Variants in SCHIP1 observed in about 807,000 individuals in gnomAD.
SCHIP1 encodes the protein schwannomin-interacting protein 1.
SCHIP1 carries 8 observed loss-of-function variants against 29.7 expected under a neutral mutation model. That is an observed-to-expected ratio of 0.27 (90% CI 0.16 to 0.49). The LOEUF (loss-of-function observed/expected upper bound fraction) is 0.49, where lower values mean the gene tolerates loss of function less well. Ranked by LOEUF, SCHIP1 falls within the 20% of genes least tolerant of loss-of-function variation. SCHIP1 has a pLI of 0.99. For synonymous variants in SCHIP1, 76 were observed against 94.9 expected (o/e 0.80, Z 1.16); for missense variants, 193 against 294.6 (o/e 0.66, Z 2.52).
At chr3:159,886,601 A>G (rs1285652646) in intron 3 of SCHIP1, 2 of 301,352 alleles carry the variant, frequency 6.6e-6, no homozygotes, top group Non-Finnish European at 1.3e-5. Flanking sequence ...GTCTCTATAA[A>G]AAAATACAAA....
chr3:159,617,300 CTCTTTCTGA>C, the SCHIP1 span, among the ~76,000 whole-genome samples: 5 of 152,160 alleles, frequency 3.3e-5, no homozygotes, highest in East Asian at 9.6e-4. Context: ...GAACCAAGGT[CTCTTTCTGA>C]TCTTTCCCTG....
At chr3:159,489,338 T>G in the SCHIP1 span, among the ~76,000 whole-genome samples, 1 of 152,232 alleles carries the variant, frequency 6.6e-6, no homozygotes, top group Non-Finnish European at 1.5e-5. Flanking sequence ...ACTTTTACTA[T>G]TAGCCTGATA....
At chr3:159,826,503 A>G in the SCHIP1 span, among the ~76,000 whole-genome samples, 1 of 152,238 alleles carries the variant, frequency 6.6e-6, no homozygotes, top group African/African-American at 2.4e-5. Flanking sequence ...CCTCACAGTT[A>G]ACGCTGGAAA....
chr3:159,862,921 G>A (rs1049471897), intron 1 of SCHIP1, among the ~76,000 whole-genome samples: 1 of 152,004 alleles, frequency 6.6e-6, no homozygotes, highest in Admixed American at 6.5e-5. Context: ...AGCTTTTTTC[G>A]AGAGCAATGT....
At chr3:159,311,371 G>C in the SCHIP1 span, among the ~76,000 whole-genome samples, 128 of 152,088 alleles carry the variant, frequency 8.4e-4, no homozygotes, top group South Asian at 3.7e-3. Context: ...AAATCAAAGG[G>C]AGTTAATTTT....
chr3:159,713,225 A>AAAGAAAGG, the SCHIP1 span, among the ~76,000 whole-genome samples: 3 of 117,354 alleles, frequency 2.6e-5, no homozygotes, highest in East Asian at 7.3e-4. Flanking sequence ...AGAGAGAGAG[A>AAAGAAAGG]AAGAAAGGAA....
At chr3:159,801,267 T>C in the SCHIP1 span, among the ~76,000 whole-genome samples, 11 of 152,210 alleles carry the variant, frequency 7.2e-5, 1 homozygote, top group Admixed American at 6.5e-4. Context: ...TAAGATATGG[T>C]TATAAATGTT....
In SCHIP1 at chr3:159,853,529, G is replaced by A. The variant is rs1712932409; in HGVS notation, c.31-12634G>A. 14 of 609,348 alleles carry A rather than the reference G, an allele frequency of 2.3e-5. No homozygotes were observed. In the East Asian group the frequency reaches 4.1e-4, roughly 18 times the overall value. 37.7% of individuals were successfully genotyped at this position (609,348 alleles called of 1,614,324 possible). ...CTAACTGGAGAAAGATCACCCTTGAGGAGTGGCCAAATTCCACACTCAGTG... is the reference window on the plus strand; with the variant it reads ...CTAACTGGAGAAAGATCACCCTTGAAGAGTGGCCAAATTCCACACTCAGTG... On this transcript the variant is annotated intron_variant, in intron 1 of 6. Coordinates refer to ENST00000445224, the Ensembl canonical transcript of SCHIP1.
the SCHIP1 span, chr3:159,275,087 G>T: frequency 3.5e-4 from 343 of 971,690 alleles, 1 homozygote; most frequent in Admixed American, 3.7e-4. Context: ...AATTTTAGAG[G>T]ATGTAACAAT....
the SCHIP1 span, among the ~76,000 whole-genome samples, chr3:159,522,076 T>G: frequency 2.6e-5 from 4 of 152,228 alleles, no homozygotes; most frequent in Non-Finnish European, 4.4e-5. Context: ...ATTAGACATA[T>G]ATCTGTGCAT....
the SCHIP1 span, among the ~76,000 whole-genome samples, chr3:159,590,421 C>G: frequency 6.6e-6 from 1 of 152,094 alleles, no homozygotes; most frequent in East Asian, 1.9e-4. Flanking sequence ...GCTAAAAATA[C>G]AAAAATTAGC....
chr3:159,851,307 T>C (rs1712604274), intron 1 of SCHIP1, among the ~76,000 whole-genome samples: 1 of 152,188 alleles, frequency 6.6e-6, no homozygotes, highest in Admixed American at 6.5e-5. Context: ...AAATAAAAGC[T>C]ATACTTGATT....
the SCHIP1 span, among the ~76,000 whole-genome samples, chr3:159,705,306 T>C: frequency 6.6e-6 from 1 of 152,152 alleles, no homozygotes; most frequent in Admixed American, 6.5e-5. Context: ...GTTTTTCTTT[T>C]CCAGCTTCCT....
chr3:159,653,587 G>T, the SCHIP1 span, among the ~76,000 whole-genome samples: 2 of 151,550 alleles, frequency 1.3e-5, no homozygotes, highest in East Asian at 2.0e-4. Flanking sequence ...GGGCCTGTTG[G>T]GGGGTGGGGG....
At chr3:159,730,125 C>G in the SCHIP1 span, among the ~76,000 whole-genome samples, 5,802 of 152,162 alleles carry the variant, frequency 0.038, 365 homozygotes, top group African/African-American at 0.13. Context: ...TAATTGTTAT[C>G]TTTAATGGCT....
the SCHIP1 span, among the ~76,000 whole-genome samples, chr3:159,501,155 T>G: frequency 1.3e-4 from 20 of 152,188 alleles, no homozygotes; most frequent in Admixed American, 1.3e-3. Flanking sequence ...CTGAGTTGTT[T>G]ATTTGGTTTT....
At chr3:159,830,123 C>T in the SCHIP1 span, among the ~76,000 whole-genome samples, 6 of 152,258 alleles carry the variant, frequency 3.9e-5, no homozygotes, top group African/African-American at 1.4e-4. Flanking sequence ...AGGATTCTTT[C>T]GATGTGGCAC....
chr3:159,537,057 C>T, the SCHIP1 span, among the ~76,000 whole-genome samples: 19 of 152,098 alleles, frequency 1.2e-4, no homozygotes, highest in African/African-American at 3.6e-4. Context: ...ACCCAGACAG[C>T]CAGTTGTTAA....
At chr3:159,447,063 CT>C in the SCHIP1 span, among the ~76,000 whole-genome samples, 4 of 152,126 alleles carry the variant, frequency 2.6e-5, no homozygotes, top group African/African-American at 4.8e-5. Flanking sequence ...CCCACATCAA[CT>C]TTTATCAGTA....
Sources: allele counts gnomAD v4.1 joint callset (sites outside exome capture counted in the v4.1 genomes callset), GRCh38; gene constraint gnomAD v4.1.1; transcripts MANE v1.5; gene names NCBI Gene and HGNC (gene_info 2026-07-23, HGNC 2026-07-21).